Variants in ADCY4 observed in about 807,000 individuals in gnomAD.
The protein encoded by ADCY4 is adenylate cyclase 4, also known as adenylate cyclase type 4.
In ADCY4, 111 loss-of-function variants were observed where a neutral mutation model predicts 125.5. The ratio of observed to expected loss-of-function variants is 0.88; its 90% CI spans 0.76 to 1.04. The LOEUF is 1.04. Among genes scored for constraint, ADCY4 ranks in the 50% least tolerant of loss-of-function variants. The pLI, the probability that ADCY4 is intolerant of heterozygous loss-of-function variation, is 0.00. For missense variants in ADCY4, 1,256 were observed against 1,382.9 expected, an observed-to-expected ratio of 0.91 and a Z score of 1.46; for synonymous variants, 576 against 586.9, an observed-to-expected ratio of 0.98 and a Z score of 0.27.
rs2041825198 is a variant in ADCY4, at chr14:24,319,818, T to C, written c.2657A>G (p.Tyr886Cys). ...CTCATGATTGATGTTGGATTCAGAG[T>C]AGAACTCCTTGAAGTCTGGGACTGA... ...FASVPDFKEFYSESNINHEGL... is the reference protein window; with the variant it reads ...FASVPDFKEFCSESNINHEGL... The change falls in exon 21 of 25, where the codon TAC becomes TGC. Residue 886 changes from tyrosine to cysteine, a missense_variant. Physicochemically the swap from Tyr to Cys is radical, Grantham distance 194. Coordinates refer to ENST00000418030, the MANE Select transcript of ADCY4 (RefSeq NM_001198568.2). The surrounding 1 kb of genome is among the most constrained non-coding windows in gnomAD (Gnocchi z 4.5). The C allele has an allele frequency of 6.2e-7, 1 of 1,614,032 alleles. No individual in the cohort carries two copies. Among genetic ancestry groups the C allele is most frequent in the East Asian group, 2.2e-5 (1 of 44,880 alleles).
Position 24,332,777 on chromosome 14 carries a change from G to C in ADCY4, c.357+14C>G. ...CCGGGCCGTCCCCGCTGCCCCGCCT[G>C]CCGCCCCTCTCACCTGGTCCCAGGC... On this transcript the variant is annotated intron_variant, in intron 2 of 24. Coordinates refer to ENST00000418030, the MANE Select transcript of ADCY4 (RefSeq NM_001198568.2). 1 of 1,538,326 alleles carries C rather than the reference G, an allele frequency of 6.5e-7. No individual in the cohort carries two copies.
At chr14:24,330,409 G>C in intron 6 of ADCY4, 114 bp from the exon 7 acceptor site, 9 of 1,475,382 alleles carry the variant, frequency 6.1e-6, no homozygotes, top group Non-Finnish European at 8.4e-6. Context: ...TCCAAGGTGG[G>C]GTAGTGTCTA....
intron 18 of ADCY4, 66 bp from the exon 19 acceptor site, chr14:24,322,774 T>A (rs1594651945): frequency 1.3e-6 from 2 of 1,574,910 alleles, no homozygotes; most frequent in East Asian, 4.6e-5. Flanking sequence ...CCTGCCCCCA[T>A]GTAGGCCTCC....
intron 3 of ADCY4, chr14:24,332,212 C>T: frequency 2.2e-6 from 1 of 464,624 alleles, no homozygotes; most frequent in East Asian, 3.4e-5. Flanking sequence ...ACTCCACTGT[C>T]GCTACCCACT....
rs1479719983 is a variant in ADCY4 at position 24,325,842 on chromosome 14, G to C, written c.1701C>G (p.Phe567Leu). Reference sequence around the variant, plus strand: ...CCTCTTTCTCCATCTCCTTCTCTCTGAAGTACAGTGTCAGTGGGTTGAAGT... The same window carrying C: ...CCTCTTTCTCCATCTCCTTCTCTCTCAAGTACAGTGTCAGTGGGTTGAAGT... ...SKDFNPLTLY[F>L]REKEMEKEYR... Residue 567 changes from phenylalanine to leucine, a missense_variant, in exon 13 of 25, where the codon TTC becomes TTG. By Grantham distance (22) the Phe-to-Leu change is conservative (BLOSUM62 0). Coordinates refer to ENST00000418030, the MANE Select transcript of ADCY4 (RefSeq NM_001198568.2). 3 of 1,598,008 alleles carry C rather than the reference G, an allele frequency of 1.9e-6. No homozygotes were observed. Among genetic ancestry groups the C allele is most frequent in the Non-Finnish European group, 2.6e-6 (3 of 1,170,428 alleles).
chr14:24,332,296 G>C (rs1485462857), intron 3 of ADCY4: 2 of 493,970 alleles, frequency 4.0e-6, no homozygotes, highest in Non-Finnish European at 6.9e-6. Context: ...TGTTGTCCCC[G>C]GGGTAAACCA....
rs146252749 is a variant in ADCY4 at position 24,332,913 on chromosome 14, C to G, written c.235G>C (p.Ala79Pro). 28 of 1,603,616 alleles carry G rather than the reference C, an allele frequency of 1.7e-5. No homozygotes were observed. The highest frequency in any genetic ancestry group is 4.3e-6 in the Non-Finnish European group (5 of 1,174,350). Residue 79 changes from alanine to proline, a missense_variant, in exon 2 of 25, where the codon GCT becomes CCT. Transcript: ENST00000418030. ...LGGFSLLLGL[A>P]SREQRLQRWT... The stretch of plus-strand genomic sequence containing the variant: ...CGCTGCAGTCGCTGCTCCCGGGAAG[C>G]GAGGCCCAGCAGCAGCGAGAAGCCG...
At chr14:24,326,416 T>A in intron 10 of ADCY4, 74 bp from the exon 11 acceptor site, 1 of 1,546,424 alleles carries the variant, frequency 6.5e-7, no homozygotes, top group Non-Finnish European at 8.9e-7. Flanking sequence ...TGAGCCACAC[T>A]GCATGCTCTA....
Position 24,334,582 on chromosome 14 carries a change from C to T in ADCY4, c.71G>A (p.Ser24Asn). 1 of 1,575,614 alleles carries T rather than the reference C, an allele frequency of 6.3e-7. No individual in the cohort carries two copies. The highest frequency in any genetic ancestry group is 8.6e-7 in the Non-Finnish European group (1 of 1,163,332). Residue 24 changes from serine to asparagine, a missense_variant, in exon 1 of 25, where the codon AGC becomes AAC. Coordinates refer to ENST00000418030, the MANE Select transcript of ADCY4 (RefSeq NM_001198568.2). ...CAGCAGCAGCAGCGGGTACTGCTGG[C>T]TCAGGCTGTAGTAGGTCTCGTAGAA... ...DLFYETYYSLSQQYPLLLLLL... is the reference protein window; with the variant it reads ...DLFYETYYSLNQQYPLLLLLL...
chr14:24,329,708 C>T (rs2042010150), intron 8 of ADCY4, 152 bp downstream of exon 8: 6 of 1,393,178 alleles, frequency 4.3e-6, no homozygotes, highest in Admixed American at 2.5e-5. Context: ...TCCCAGCTCC[C>T]CTCCCTGCAC....
chr14:24,334,077 A>T (rs957106220), intron 1 of ADCY4, among the ~76,000 whole-genome samples: 7 of 152,226 alleles, frequency 4.6e-5, no homozygotes, highest in Non-Finnish European at 8.8e-5. Context: ...TTTGGGACTC[A>T]GTGAGAGCCC....
rs1246303766 is a variant in ADCY4 at position 24,318,870 on chromosome 14, G to T, written c.2957-92C>A. On this transcript the variant is annotated intron_variant, in intron 23 of 24. Coordinates refer to ENST00000418030, the MANE Select transcript of ADCY4 (RefSeq NM_001198568.2). ...GGAAGGAAGGGAGAAGAGCCTGGGGGGCCCTAGAGGAGAGGAGGGGTCTCT... is the reference window on the plus strand; with the variant it reads ...GGAAGGAAGGGAGAAGAGCCTGGGGTGCCCTAGAGGAGAGGAGGGGTCTCT... The T allele has an allele frequency of 3.8e-6, 6 of 1,563,148 alleles. No homozygotes were observed. In the East Asian group the frequency reaches 1.1e-4, roughly 29 times the overall value.
chr14:24,321,608 C>T (rs1428544649), intron 20 of ADCY4: 1 of 168,188 alleles, frequency 5.9e-6, no homozygotes, highest in East Asian at 1.9e-4. Flanking sequence ...AACCTAGACC[C>T]CTTGCATGTG....
intron 10 of ADCY4, among the ~76,000 whole-genome samples, chr14:24,327,795 G>T (rs536062707): frequency 6.6e-6 from 1 of 152,308 alleles, no homozygotes; most frequent in East Asian, 1.9e-4. Flanking sequence ...TTATGGACAT[G>T]GTGTGTGGGT....
intron 20 of ADCY4, among the ~76,000 whole-genome samples, chr14:24,320,480 C>T (rs1468921139): frequency 6.6e-6 from 1 of 152,148 alleles, no homozygotes; most frequent in Non-Finnish European, 1.5e-5. Flanking sequence ...TTCCTTGTGT[C>T]TGTAAGAGAA....
chr14:24,319,201 C>G lies in ADCY4; in HGVS notation c.2853G>C (p.Arg951=). 6.2e-7 allele frequency: 1 copy of G among 1,614,120 alleles called. No homozygotes were observed. Among genetic ancestry groups the G allele is most frequent in the Admixed American group, 1.7e-5 (1 of 60,030 alleles). ...SGQDAQQDAE[R]SCSHLGTMVE... ...CCATAGTGCCAAGGTGGCTGCAGCTCCGTTCAGCATCCTGGCAATGGGCCC... is the reference window on the plus strand; with the variant it reads ...CCATAGTGCCAAGGTGGCTGCAGCTGCGTTCAGCATCCTGGCAATGGGCCC... The change falls in exon 23 of 25, where the codon CGG becomes CGC. Residue 951 remains arginine (R), a synonymous_variant. Transcript: ENST00000418030. The surrounding 1 kb of genome is among the most constrained non-coding windows in gnomAD (Gnocchi z 4.5).
At chr14:24,323,605 C>T (rs2041891195) in intron 16 of ADCY4, 151 bp from the exon 17 acceptor site, 1 of 1,448,400 alleles carries the variant, frequency 6.9e-7, no homozygotes, top group Non-Finnish European at 9.1e-7. Flanking sequence ...GGAACCTCAG[C>T]ACTGGGGTCC....
chr14:24,320,587 T>G (rs2041835680), intron 20 of ADCY4, among the ~76,000 whole-genome samples: 1 of 152,140 alleles, frequency 6.6e-6, no homozygotes, highest in Non-Finnish European at 1.5e-5. Flanking sequence ...TTAACATCCC[T>G]CAATATGAGC....
Position 24,322,073 on chromosome 14 carries a change from C to G in ADCY4, c.2579G>C (p.Arg860Pro). 6.2e-7 allele frequency: 1 copy of G among 1,611,904 alleles called. No homozygotes were observed. Among genetic ancestry groups the G allele is most frequent in the Non-Finnish European group, 8.5e-7 (1 of 1,178,368 alleles). ...CAGGGGGTCAGGAGTCACCTCGTTG[C>G]GCCGGTTCTGGCCAATGAACTGGGG... Reference protein sequence around the residue: ...VAPQFIGQNRRNEDLYHQSYE... With the variant: ...VAPQFIGQNRPNEDLYHQSYE... The change falls in exon 20 of 25, where the codon CGC (arginine) becomes CCC (proline). Residue 860 changes from arginine to proline, a missense_variant. Physicochemically the swap from Arg to Pro is moderately radical, Grantham distance 103. Coordinates refer to ENST00000418030, the MANE Select transcript of ADCY4 (RefSeq NM_001198568.2).
Sources: gnomAD v4.1 joint callset for allele counts (sites outside exome capture counted in the v4.1 genomes callset) on GRCh38, gnomAD v4.1.1 for gene constraint, Gnocchi (gnomAD v3.1) non-coding constraint, MANE v1.5 for transcripts, NCBI Gene and HGNC (gene_info 2026-07-23, HGNC 2026-07-21) for gene names.